NEDD9: variants seen among roughly 807,000 people sequenced by gnomAD.
The protein encoded by NEDD9 is enhancer of filamentation 1.
A neutral mutation model predicts 76.6 loss-of-function variants in NEDD9; 26 were observed. The observed-to-expected ratio is 0.34, with a 90% CI of 0.25 to 0.47. NEDD9 has a LOEUF of 0.47. Ranked by LOEUF, NEDD9 falls within the 20% of genes least tolerant of loss-of-function variation. The probability of loss-of-function intolerance (pLI) is 1.00; values close to 1 mark genes in which losing one functional copy is unlikely to be tolerated. For synonymous variants in NEDD9, 392 were observed against 414.2 expected, an observed-to-expected ratio of 0.95 and a Z score of 0.65; for missense variants, 937 against 1,058.5, an observed-to-expected ratio of 0.89 and a Z score of 1.59.
At chr6:11,234,553 T>C (rs1759560632), upstream of NEDD9, among the ~76,000 whole-genome samples, 2 of 152,216 alleles carry the variant, frequency 1.3e-5, no homozygotes, top group African/African-American at 4.8e-5. Flanking sequence ...GTGGCCCTCC[T>C]GCTTTCCTGT....
Position 11,185,350 on chromosome 6 carries a change from G to A in NEDD9, c.2317C>T (p.Arg773Cys), listed in dbSNP as rs763845737. ...TTGCTGGAGTTCATGACTTTGTTGC[G>A]AATGTCCTGGGCAGTCACCTGCCGT... ...LTRQVTAQDIRNKVMNSSNQL... is the reference protein window; with the variant it reads ...LTRQVTAQDICNKVMNSSNQL... The change falls in exon 7 of 7, where the codon CGC (arginine) becomes TGC (cysteine). Residue 773 changes from arginine to cysteine, a missense_variant. Physicochemically the swap from Arg to Cys is radical, Grantham distance 180. Coordinates refer to ENST00000379446, the MANE Select transcript of NEDD9 (RefSeq NM_006403.4). The A allele has an allele frequency of 1.7e-5, 28 of 1,614,036 alleles. No homozygotes were observed. The Admixed American group carries it at 3.2e-4, about 18-fold the overall frequency.
intron 1 of NEDD9, among the ~76,000 whole-genome samples, chr6:11,356,443 A>G (rs1419322456): frequency 6.6e-6 from 1 of 152,220 alleles, no homozygotes. Context: ...TTAATAATAT[A>G]TTACTTTCCA....
At chr6:11,287,119 A>G (rs2113368548) in intron 3 of NEDD9, among the ~76,000 whole-genome samples, 1 of 152,312 alleles carries the variant, frequency 6.6e-6, no homozygotes. Context: ...TTATGCCTCA[A>G]TAAAGCTGTT....
intron 4 of NEDD9, among the ~76,000 whole-genome samples, chr6:11,191,964 C>G (rs1340896587): frequency 2.0e-5 from 3 of 152,180 alleles, no homozygotes; most frequent in Non-Finnish European, 2.9e-5. Flanking sequence ...GTGGTTGCGC[C>G]ACTGCACTCC....
chr6:11,207,209 A>G (rs1758641920), intron 2 of NEDD9, among the ~76,000 whole-genome samples: 1 of 152,220 alleles, frequency 6.6e-6, no homozygotes, highest in Non-Finnish European at 1.5e-5. Flanking sequence ...GCTTGTTGTT[A>G]GACAAGTCAT....
intron 1 of NEDD9, among the ~76,000 whole-genome samples, chr6:11,377,396 G>T (rs929120523): frequency 1.3e-5 from 2 of 152,262 alleles, no homozygotes; most frequent in Admixed American, 1.3e-4. Flanking sequence ...GCTGCTCAAG[G>T]CCTTAGGAGT....
At chr6:11,378,672 C>A (rs1005544888) in intron 1 of NEDD9, among the ~76,000 whole-genome samples, 1 of 152,056 alleles carries the variant, frequency 6.6e-6, no homozygotes, top group African/African-American at 2.4e-5. Flanking sequence ...AAAATTTTTT[C>A]AAGCTAAATT....
At chr6:11,359,692 T>C (rs985491249) in intron 1 of NEDD9, among the ~76,000 whole-genome samples, 9 of 152,224 alleles carry the variant, frequency 5.9e-5, no homozygotes, top group Admixed American at 5.9e-4. Flanking sequence ...TTCTCTTTCA[T>C]AATATCCCAA....
At chr6:11,286,392 T>C (rs1012152440) in intron 3 of NEDD9, among the ~76,000 whole-genome samples, 5 of 152,224 alleles carry the variant, frequency 3.3e-5, no homozygotes, top group African/African-American at 1.2e-4. Flanking sequence ...CAAACACTGG[T>C]GATGGGAACA....
intron 3 of NEDD9, chr6:11,249,104 A>T (rs1442313109): frequency 2.2e-6 from 1 of 455,788 alleles, no homozygotes; most frequent in South Asian, 1.6e-5. Flanking sequence ...ATTATTTTGG[A>T]TGTTTCTGCG....
Position 11,370,428 on chromosome 6 carries a change from A to G in NEDD9, c.-214+11711T>C, listed in dbSNP as rs1387457227. Among the ~76,000 whole-genome samples the G allele has an allele frequency of 6.6e-6, 1 of 152,186 alleles. No homozygotes were observed. Among genetic ancestry groups the G allele is most frequent in the Non-Finnish European group, 1.5e-5 (1 of 68,028 alleles). ...AAGTCTGCCTTTGCCTACAGCACGCACACACGGCTGGAGGACGGCTCCCAC... is the reference window on the plus strand; with the variant it reads ...AAGTCTGCCTTTGCCTACAGCACGCGCACACGGCTGGAGGACGGCTCCCAC... On this transcript the variant is annotated intron_variant, in intron 1 of 3. Coordinates refer to the NEDD9 transcript ENST00000397378. This position sits in a 1 kb window ranked among gnomAD's most constrained non-coding sequence, Gnocchi z 4.2.
intron 1 of NEDD9, among the ~76,000 whole-genome samples, chr6:11,350,911 C>T (rs984014753): frequency 6.6e-6 from 1 of 152,128 alleles, no homozygotes; most frequent in African/African-American, 2.4e-5. Flanking sequence ...GCAGTCTTTC[C>T]ACACCTCCTT....
At chr6:11,212,704 C>T (rs1758819174) in intron 2 of NEDD9, among the ~76,000 whole-genome samples, 2 of 152,232 alleles carry the variant, frequency 1.3e-5, no homozygotes, top group African/African-American at 4.8e-5. Context: ...AGGATGGCTT[C>T]ATTCCAATTC....
intron 2 of NEDD9, among the ~76,000 whole-genome samples, chr6:11,332,730 G>A (rs755087122): frequency 1.3e-5 from 2 of 152,146 alleles, no homozygotes; most frequent in Non-Finnish European, 2.9e-5. Flanking sequence ...GCTAGATGCT[G>A]AGAACATGTG....
intron 3 of NEDD9, among the ~76,000 whole-genome samples, chr6:11,282,686 C>T (rs1760560413): frequency 6.6e-6 from 1 of 152,210 alleles, no homozygotes; most frequent in African/African-American, 2.4e-5. Context: ...CATCCTTCAA[C>T]ATATATCACA....
At chr6:11,239,710 G>C (rs9393992) in intron 3 of NEDD9, among the ~76,000 whole-genome samples, 2 of 151,824 alleles carry the variant, frequency 1.3e-5, no homozygotes, top group African/African-American at 4.8e-5. Context: ...AGTGTCCTAG[G>C]AATACATTCT....
intron 3 of NEDD9, among the ~76,000 whole-genome samples, chr6:11,301,198 A>C (rs1231795275): frequency 1.3e-5 from 2 of 152,216 alleles, no homozygotes; most frequent in Non-Finnish European, 2.9e-5. Flanking sequence ...GAAAGCAAAA[A>C]AAAGCAGGGG....
chr6:11,300,341 C>T (rs111571932), intron 3 of NEDD9, among the ~76,000 whole-genome samples: 3,585 of 152,206 alleles, frequency 0.024, 61 homozygotes, highest in Middle Eastern at 0.048. Flanking sequence ...TGAACAAAGC[C>T]TCCAGGAAAT....
intron 3 of NEDD9, among the ~76,000 whole-genome samples, chr6:11,286,069 C>A (rs144050484): frequency 0.017 from 2,640 of 152,176 alleles, 74 homozygotes; most frequent in African/African-American, 0.059. Flanking sequence ...CAGACACTGG[C>A]GGAAAATGTT....
Sources: allele counts gnomAD v4.1 joint callset (sites outside exome capture counted in the v4.1 genomes callset), GRCh38; gene constraint gnomAD v4.1.1; non-coding constraint Gnocchi (gnomAD v3.1); transcripts MANE v1.5; gene names NCBI Gene and HGNC (gene_info 2026-07-23, HGNC 2026-07-21).